The following RAB19 variants were observed in gnomAD, a reference collection of about 807,000 sequenced individuals.
The protein encoded by RAB19 is ras-related protein Rab-19.
A neutral mutation model predicts 17.3 loss-of-function variants in RAB19; 21 were observed. The observed-to-expected ratio is 1.21, with a 90% confidence interval of 0.86 to 1.74. RAB19 has a LOEUF of 1.74. Among genes scored for constraint, RAB19 ranks in the 40% most tolerant of loss-of-function variants. The probability of loss-of-function intolerance (pLI) is 0.00; values close to 1 mark genes in which losing one functional copy is unlikely to be tolerated. For synonymous variants in RAB19, 126 were observed against 110.4 expected (o/e 1.14, Z -0.88); for missense variants, 277 against 286.8 (o/e 0.97, Z 0.25).
intron 3 of RAB19, among the ~76,000 whole-genome samples, chr7:140,415,407 A>G (rs544587928): frequency 3.3e-5 from 5 of 152,002 alleles, no homozygotes; most frequent in East Asian, 1.9e-4. Flanking sequence ...ACTTTCTTCA[A>G]CATCTGATAT....
chr7:140,406,985 A>G (rs368545751), intron 1 of RAB19, among the ~76,000 whole-genome samples: 2 of 151,994 alleles, frequency 1.3e-5, no homozygotes, highest in East Asian at 3.9e-4. Flanking sequence ...TCCCGGATTC[A>G]AGTGATTCTC....
At position 140,407,795 on chromosome 7, in the gene RAB19, T is replaced by C. The variant is rs148552166; in HGVS notation, c.149T>C (p.Ile50Thr). ...TACACTGAGACACAGCAGAACACGATTGGAGTGGACTTTACCGTGCGTTCC... is the reference window on the plus strand; with the variant it reads ...TACACTGAGACACAGCAGAACACGACTGGAGTGGACTTTACCGTGCGTTCC... ...GVYTETQQNT[I>T]GVDFTVRSLD... The change falls in exon 2 of 4, where the codon ATT becomes ACT. Residue 50 changes from isoleucine (I) to threonine (T), a missense_variant. Physicochemically the swap from Ile to Thr is moderately conservative, Grantham distance 89 (BLOSUM62 -1). Coordinates refer to ENST00000537763, the MANE Select transcript of RAB19 (RefSeq NM_001008749.3). 147 of 1,613,674 alleles carry C rather than the reference T, an allele frequency of 9.1e-5. No individual in the cohort carries two copies. Among genetic ancestry groups the C allele is most frequent in the South Asian group, 3.6e-4 (33 of 91,068 alleles).
chr7:140,413,701 C>G (rs1197014849), intron 3 of RAB19, among the ~76,000 whole-genome samples: 2 of 151,742 alleles, frequency 1.3e-5, no homozygotes, highest in East Asian at 1.9e-4. Context: ...AACCTGGTCT[C>G]TTAAAAAATA....
At chr7:140,418,281 G>A (rs890573174) in intron 3 of RAB19, among the ~76,000 whole-genome samples, 3 of 151,766 alleles carry the variant, frequency 2.0e-5, no homozygotes, top group Non-Finnish European at 2.9e-5. Context: ...GCCAGGTGCA[G>A]TGGTTCACAC....
At chr7:140,408,636 G>A (rs1018411149) in intron 2 of RAB19, among the ~76,000 whole-genome samples, 3 of 151,266 alleles carry the variant, frequency 2.0e-5, no homozygotes, top group Non-Finnish European at 4.4e-5. Context: ...CCACCACACC[G>A]GGCTAAGTTT....
chr7:140,414,068 G>T (rs974515267), intron 3 of RAB19, among the ~76,000 whole-genome samples: 1 of 151,910 alleles, frequency 6.6e-6, no homozygotes, highest in Non-Finnish European at 1.5e-5. Context: ...TTTTTGAGAC[G>T]GAGTCTTACT....
chr7:140,424,691 C>A (rs201657351), intron 3 of RAB19, among the ~76,000 whole-genome samples: 9 of 139,308 alleles, frequency 6.5e-5, no homozygotes, highest in South Asian at 2.2e-4. Flanking sequence ...ATACACATAT[C>A]TATATATACA....
At chr7:140,410,207 G>T (rs150271841) in intron 2 of RAB19, among the ~76,000 whole-genome samples, 1 of 150,544 alleles carries the variant, frequency 6.6e-6, no homozygotes, top group East Asian at 2.0e-4. Flanking sequence ...ATCTCAGCTC[G>T]CTATAGCCTC....
At chr7:140,419,358 T>C (rs187769885) in intron 3 of RAB19, among the ~76,000 whole-genome samples, 1 of 152,310 alleles carries the variant, frequency 6.6e-6, no homozygotes, top group Non-Finnish European at 1.5e-5. Context: ...TGTGAGCCAC[T>C]GTGCCTCGTC....
intron 3 of RAB19, among the ~76,000 whole-genome samples, chr7:140,425,023 T>G (rs7793448): frequency 6.6e-6 from 1 of 152,008 alleles, no homozygotes; most frequent in African/African-American, 2.4e-5. Flanking sequence ...TGGTGGTTCA[T>G]GCTTACAATC....
chr7:140,412,516 A>C (rs1335432339), intron 3 of RAB19, among the ~76,000 whole-genome samples: 1 of 150,740 alleles, frequency 6.6e-6, no homozygotes, highest in Admixed American at 6.7e-5. Flanking sequence ...GGATGCCACC[A>C]TGCCCAGCCC....
chr7:140,411,591 T>C (rs1799362455), intron 2 of RAB19, among the ~76,000 whole-genome samples: 1 of 151,020 alleles, frequency 6.6e-6, no homozygotes, highest in African/African-American at 2.4e-5. Flanking sequence ...AGTTTGAAAA[T>C]TTGTGTTGGG....
intron 3 of RAB19, among the ~76,000 whole-genome samples, chr7:140,415,114 G>A (rs1422958096): frequency 1.4e-4 from 20 of 147,448 alleles, no homozygotes; most frequent in Admixed American, 8.3e-4. Context: ...TTGCTCTGTC[G>A]CCCAGGCTGG....
At position 140,426,327 on chromosome 7, in the gene RAB19, TAGC is replaced by T; in HGVS notation, c.*178_*180del. ...CTCCCTTGACTCACACCACAGGTCATAGCTGCTGACTCTCAGGAAAACCAGCAC... is the reference window on the plus strand; with the variant it reads ...CTCCCTTGACTCACACCACAGGTCATTGCTGACTCTCAGGAAAACCAGCAC... On this transcript the variant is annotated 3_prime_UTR_variant, in exon 4 of 4. Transcript: ENST00000537763. 1.5e-6 allele frequency: 1 copy of T among 668,372 alleles called. No homozygotes were observed. The highest frequency in any genetic ancestry group is 2.4e-6 in the Non-Finnish European group (1 of 409,814). 41.4% of individuals were successfully genotyped at this position (668,372 alleles called of 1,614,324 possible).
Position 140,427,264 on chromosome 7 carries a change from C to T in RAB19, c.*1114C>T, listed in dbSNP as rs957795403. 6.6e-6 allele frequency among the ~76,000 whole-genome samples: 1 copy of T among 151,246 alleles called. No individual in the cohort carries two copies. On this transcript the variant is annotated 3_prime_UTR_variant, in exon 4 of 4. Coordinates refer to ENST00000537763, the MANE Select transcript of RAB19 (RefSeq NM_001008749.3). ...CTCCTGGGTTCAAGCAATTCTCCTG[C>T]CTCAGCCTCCCAAGTAGCTGGGACT...
chr7:140,404,467 A>C (rs1799199490), intron 1 of RAB19: 1 of 152,172 alleles, frequency 6.6e-6, no homozygotes, highest in Non-Finnish European at 1.5e-5. Flanking sequence ...GACAGGAAAA[A>C]AGTGGTTTGA....
intron 3 of RAB19, among the ~76,000 whole-genome samples, chr7:140,414,164 C>G (rs949585650): frequency 1.3e-5 from 2 of 152,154 alleles, no homozygotes; most frequent in African/African-American, 4.8e-5. Flanking sequence ...CCTGCCTCAG[C>G]CTCCCAAGTA....
chr7:140,425,149 G>A (rs1026662453), intron 3 of RAB19, among the ~76,000 whole-genome samples: 5 of 152,018 alleles, frequency 3.3e-5, no homozygotes, highest in Non-Finnish European at 7.4e-5. Context: ...AGCCAGGCGT[G>A]GTGGCATTGG....
Position 140,426,726 on chromosome 7 carries a change from C to T in RAB19, c.*576C>T, listed in dbSNP as rs866230560. Reference sequence around the variant, plus strand: ...AGAAATACCAGAAGTACCATCTTGCCAAATGGTCAGGAACTGTCTGATAGA... The same window carrying T: ...AGAAATACCAGAAGTACCATCTTGCTAAATGGTCAGGAACTGTCTGATAGA... On this transcript the variant is annotated 3_prime_UTR_variant, in exon 4 of 4. Coordinates refer to ENST00000537763, the MANE Select transcript of RAB19 (RefSeq NM_001008749.3). Among the ~76,000 whole-genome samples the T allele has an allele frequency of 2.6e-5, 4 of 152,082 alleles. No homozygotes were observed. Among genetic ancestry groups the T allele is most frequent in the South Asian group, 4.1e-4 (2 of 4,826 alleles).
Sources: gnomAD v4.1 joint callset for allele counts (sites outside exome capture counted in the v4.1 genomes callset) on GRCh38, gnomAD v4.1.1 for gene constraint, MANE v1.5 for transcripts, NCBI Gene and HGNC (gene_info 2026-07-23, HGNC 2026-07-21) for gene names.